The following CCSER1 variants were observed in gnomAD, a reference collection of about 807,000 sequenced individuals.
CCSER1 encodes coiled-coil serine rich protein 1.
Under a neutral mutation model 82.0 loss-of-function variants are expected in CCSER1, and 41 were observed. The observed-to-expected ratio is 0.50, with a 90% confidence interval of 0.39 to 0.65. CCSER1 has a LOEUF of 0.65. CCSER1 is among the 30% of genes least tolerant of loss of function. The pLI is 0.00. For missense variants in CCSER1, 1,119 were observed against 1,064.2 expected (o/e 1.05, Z -0.72); for synonymous variants, 414 against 383.9 (o/e 1.08, Z -0.92).
At chr4:90,563,619 A>G (rs1029412929) in intron 5 of CCSER1, among the ~76,000 whole-genome samples, 1 of 152,042 alleles carries the variant, frequency 6.6e-6, no homozygotes, top group Non-Finnish European at 1.5e-5. Context: ...ACAGGATTTC[A>G]TTCTTTTTTG....
At chr4:90,234,303 T>A (rs1229215012) in intron 1 of CCSER1, among the ~76,000 whole-genome samples, 1 of 151,908 alleles carries the variant, frequency 6.6e-6, no homozygotes, top group Admixed American at 6.6e-5. Context: ...TGCAAAGTTT[T>A]GCTCCCTAGC....
At chr4:90,338,849 T>A (rs1740877071) in intron 3 of CCSER1, among the ~76,000 whole-genome samples, 1 of 152,170 alleles carries the variant, frequency 6.6e-6, no homozygotes, top group African/African-American at 2.4e-5. Flanking sequence ...TGTATTGACA[T>A]CATATCAAAG....
At chr4:91,082,780 C>T (rs1722921104) in intron 9 of CCSER1, among the ~76,000 whole-genome samples, 1 of 152,124 alleles carries the variant, frequency 6.6e-6, no homozygotes, top group South Asian at 2.1e-4. Context: ...CAAAAGAAGA[C>T]ATTTATGCAG....
chr4:90,167,564 G>A lies in CCSER1; in HGVS notation c.-42+39733G>A, dbSNP rs1040442135. ...ATGTATACATGTGCCATGTTGGTGC[G>A]CCGCACCCAGTAACTCGTCATTTAA... On this transcript the variant is annotated intron_variant, in intron 1 of 10. Coordinates refer to ENST00000509176, the MANE Select transcript of CCSER1 (RefSeq NM_001145065.2). 5.5e-4 allele frequency among the ~76,000 whole-genome samples: 83 copies of A among 152,134 alleles called. 2 individuals are homozygous for A. The highest frequency in any genetic ancestry group is 2.2e-4 in the Non-Finnish European group (15 of 68,006).
At chr4:91,410,274 G>T (rs1219541748) in intron 10 of CCSER1, among the ~76,000 whole-genome samples, 1 of 151,910 alleles carries the variant, frequency 6.6e-6, no homozygotes, top group African/African-American at 2.4e-5. Flanking sequence ...TCAAATCCAA[G>T]ATTTTTTTCA....
At chr4:90,301,364 T>G (rs1044619095) in intron 1 of CCSER1, among the ~76,000 whole-genome samples, 6 of 152,110 alleles carry the variant, frequency 3.9e-5, no homozygotes. Flanking sequence ...GTTGGAGAGG[T>G]CATTGAATAA....
At chr4:90,800,728 A>G (rs574145636) in intron 7 of CCSER1, among the ~76,000 whole-genome samples, 99 of 134,282 alleles carry the variant, frequency 7.4e-4, no homozygotes, top group African/African-American at 2.7e-3. Context: ...AATGAAACCC[A>G]TGGGTTTTAG....
intron 3 of CCSER1, among the ~76,000 whole-genome samples, chr4:90,372,301 CA>C (rs1481583984): frequency 1.3e-5 from 2 of 151,734 alleles, no homozygotes; most frequent in African/African-American, 4.8e-5. Context: ...TTGAATGGAC[CA>C]ATAAGAGAAA....
At chr4:90,573,912 T>A (rs962536490) in intron 5 of CCSER1, among the ~76,000 whole-genome samples, 6 of 152,162 alleles carry the variant, frequency 3.9e-5, no homozygotes, top group African/African-American at 7.2e-5. Context: ...TTTCCCAAAT[T>A]TCTTAGAAAT....
intron 3 of CCSER1, chr4:90,370,021 T>C (rs1308724813): frequency 6.6e-6 from 1 of 152,130 alleles, no homozygotes; most frequent in African/African-American, 2.4e-5. Flanking sequence ...TTTAAAACCT[T>C]ACTCAAAGAA....
chr4:90,455,642 A>G (rs1454831192), intron 4 of CCSER1, among the ~76,000 whole-genome samples: 1 of 152,140 alleles, frequency 6.6e-6, no homozygotes, highest in East Asian at 1.9e-4. Context: ...AATCCCCGTG[A>G]TCTTTGCAGG....
chr4:91,587,859 C>T (rs1473727690), intron 10 of CCSER1, among the ~76,000 whole-genome samples: 1 of 151,630 alleles, frequency 6.6e-6, no homozygotes, highest in Non-Finnish European at 1.5e-5. Context: ...CACAGTCTCT[C>T]TAGTCAGTTT....
At chr4:90,914,723 A>AAAC (rs1490308261) in intron 8 of CCSER1, among the ~76,000 whole-genome samples, 2 of 151,574 alleles carry the variant, frequency 1.3e-5, no homozygotes, top group Non-Finnish European at 2.9e-5. Flanking sequence ...TTGAAAAAAA[A>AAAC]AAAAAACTTT....
chr4:90,134,911 A>T (rs1723398499), intron 1 of CCSER1, among the ~76,000 whole-genome samples: 1 of 152,230 alleles, frequency 6.6e-6, no homozygotes, highest in Non-Finnish European at 1.5e-5. Flanking sequence ...AACTCTCTTC[A>T]AGACTATACA....
intron 3 of CCSER1, among the ~76,000 whole-genome samples, chr4:90,345,441 T>C (rs1742150909): frequency 6.6e-6 from 1 of 152,120 alleles, no homozygotes; most frequent in Non-Finnish European, 1.5e-5. Context: ...TGCTGCTAAT[T>C]CTTCCCAGTG....
intron 9 of CCSER1, among the ~76,000 whole-genome samples, chr4:91,081,687 C>T (rs1304543578): frequency 6.6e-6 from 1 of 152,158 alleles, no homozygotes; most frequent in East Asian, 1.9e-4. Context: ...CCAAAATCTC[C>T]TTAAGCTGAT....
chr4:90,452,497 C>A (rs1761589590), intron 4 of CCSER1, among the ~76,000 whole-genome samples: 1 of 152,186 alleles, frequency 6.6e-6, no homozygotes, highest in South Asian at 2.1e-4. Context: ...GCTACCACTG[C>A]AACTGCCAAG....
intron 6 of CCSER1, among the ~76,000 whole-genome samples, chr4:90,660,866 A>G (rs559026131): frequency 1.3e-5 from 2 of 152,312 alleles, no homozygotes; most frequent in East Asian, 3.9e-4. Context: ...GAATGCTTCC[A>G]ATTTTTATTT....
intron 6 of CCSER1, among the ~76,000 whole-genome samples, chr4:90,652,352 A>G (rs1048165305): frequency 6.6e-6 from 1 of 152,204 alleles, no homozygotes; most frequent in Admixed American, 6.5e-5. Context: ...ATAATGTTGT[A>G]TATGATTGTA....
Sources: gnomAD v4.1 joint callset for allele counts (sites outside exome capture counted in the v4.1 genomes callset) on GRCh38, gnomAD v4.1.1 for gene constraint, MANE v1.5 for transcripts, NCBI Gene and HGNC (gene_info 2026-07-23, HGNC 2026-07-21) for gene names.